The following CHRNA7 variants were observed in gnomAD, a reference collection of about 807,000 sequenced individuals.
CHRNA7 encodes the protein cholinergic receptor nicotinic alpha 7 subunit, also known as neuronal acetylcholine receptor subunit alpha-7.
Under a neutral mutation model 48.0 loss-of-function variants are expected in CHRNA7, and 17 were observed. That is an observed-to-expected ratio of 0.35 (90% confidence interval 0.24 to 0.53). The LOEUF (loss-of-function observed/expected upper bound fraction) is 0.53, where lower values mean the gene tolerates loss of function less well. Among genes scored for constraint, CHRNA7 ranks in the 20% least tolerant of loss-of-function variants. The probability of loss-of-function intolerance (pLI) is 0.92; values close to 1 mark genes in which losing one functional copy is unlikely to be tolerated. For synonymous variants in CHRNA7, 75 were observed against 242.3 expected (o/e 0.31, Z 6.41); for missense variants, 155 against 577.7 (o/e 0.27, Z 7.50).
intron 2 of CHRNA7, among the ~76,000 whole-genome samples, chr15:32,066,283 TA>T (rs1165844995): frequency 1.5e-5 from 2 of 129,470 alleles, no homozygotes; most frequent in Non-Finnish European, 3.5e-5. Context: ...CACATTATAG[TA>T]TTTTTTTTTT....
intron 4 of CHRNA7, among the ~76,000 whole-genome samples, chr15:32,126,695 A>G (rs539613330): frequency 6.6e-6 from 1 of 152,244 alleles, no homozygotes; most frequent in South Asian, 2.1e-4. Context: ...ATTCATAGAG[A>G]TGATACTTTC....
chr15:32,041,497 G>A (rs1305744889), intron 2 of CHRNA7, among the ~76,000 whole-genome samples: 1 of 152,228 alleles, frequency 6.6e-6, no homozygotes, highest in Non-Finnish European at 1.5e-5. Context: ...CGGAGCTCAG[G>A]CAGTAATGCT....
At chr15:32,063,761 C>G (rs181716866) in intron 2 of CHRNA7, among the ~76,000 whole-genome samples, 2 of 152,318 alleles carry the variant, frequency 1.3e-5, no homozygotes, top group East Asian at 3.9e-4. Context: ...TGAGCCACTT[C>G]ATTAGCATAA....
intron 4 of CHRNA7, among the ~76,000 whole-genome samples, chr15:32,121,610 G>T (rs1330890747): frequency 2.0e-5 from 3 of 152,166 alleles, no homozygotes; most frequent in African/African-American, 7.2e-5. Flanking sequence ...AAGAGAGAGA[G>T]CCTCATCCAG....
At chr15:32,055,572 A>G (rs972045014) in intron 2 of CHRNA7, among the ~76,000 whole-genome samples, 8 of 152,180 alleles carry the variant, frequency 5.3e-5, no homozygotes, top group African/African-American at 1.9e-4. Flanking sequence ...GCATTAGTCC[A>G]TTCAGGAGGG....
intron 4 of CHRNA7, among the ~76,000 whole-genome samples, chr15:32,122,172 G>A (rs757000181): frequency 2.6e-5 from 4 of 152,268 alleles, no homozygotes; most frequent in South Asian, 2.1e-4. Context: ...GCAGCACATC[G>A]CAGTGGGTGA....
chr15:32,138,898 T>C (rs1410586385), intron 4 of CHRNA7, among the ~76,000 whole-genome samples: 1 of 151,962 alleles, frequency 6.6e-6, no homozygotes, highest in African/African-American at 2.4e-5. Flanking sequence ...GGACTACAGG[T>C]GCACGCCACC....
chr15:32,115,416 G>A (rs891315677), intron 4 of CHRNA7, among the ~76,000 whole-genome samples: 1 of 151,896 alleles, frequency 6.6e-6, no homozygotes, highest in African/African-American at 2.4e-5. Context: ...TGTCATCTCT[G>A]CCCCCCCTTG....
At chr15:32,036,154 C>T (rs780128764) in intron 2 of CHRNA7, among the ~76,000 whole-genome samples, 2 of 152,212 alleles carry the variant, frequency 1.3e-5, no homozygotes, top group Non-Finnish European at 2.9e-5. Flanking sequence ...GAACCCTTTC[C>T]ACAATGTCGT....
chr15:32,145,338 A>G (rs1231448408), intron 4 of CHRNA7, among the ~76,000 whole-genome samples: 1 of 152,090 alleles, frequency 6.6e-6, no homozygotes, highest in Non-Finnish European at 1.5e-5. Flanking sequence ...GTTGGCCCCT[A>G]CTGGGAGATG....
chr15:32,136,388 G>A (rs1038635552), intron 4 of CHRNA7, among the ~76,000 whole-genome samples: 5 of 152,008 alleles, frequency 3.3e-5, no homozygotes, highest in Non-Finnish European at 7.4e-5. Flanking sequence ...CTACTTGGGA[G>A]GGTGAGGCAG....
intron 4 of CHRNA7, among the ~76,000 whole-genome samples, chr15:32,144,580 A>G (rs565723857): frequency 5.3e-5 from 8 of 152,212 alleles, no homozygotes; most frequent in African/African-American, 1.9e-4. Context: ...GTCTTGTCAC[A>G]TAGTCCCATA....
At chr15:32,156,110 C>T (rs943961532) in intron 5 of CHRNA7, 1 of 119,608 alleles carries the variant, frequency 8.4e-6, no homozygotes, top group Non-Finnish European at 1.8e-5. Context: ...CACAAAGATC[C>T]CTTTTGCTTG....
chr15:32,119,641 AATATT>A (rs1566853477), intron 4 of CHRNA7, among the ~76,000 whole-genome samples: 1 of 152,160 alleles, frequency 6.6e-6, no homozygotes, highest in African/African-American at 2.4e-5. Context: ...TTTAAAAAAA[AATATT>A]TATTCATATT....
Position 32,145,212 on chromosome 15 carries a change from C to T in CHRNA7, c.351-8695C>T, listed in dbSNP as rs2051462829. ...TGTTGGAGTTTGCTGGAGGTCCACT[C>T]CAGACCCTGTTTGCCTGAGTATCAC... On this transcript the variant is annotated intron_variant, in intron 4 of 9. Transcript: ENST00000306901. Among the ~76,000 whole-genome samples, 3 of 152,154 alleles carry T rather than the reference C, an allele frequency of 2.0e-5. No individual in the cohort carries two copies. In the South Asian group the frequency reaches 6.2e-4, roughly 32 times the overall value.
intron 2 of CHRNA7, among the ~76,000 whole-genome samples, chr15:32,077,468 A>G (rs1389963411): frequency 6.6e-6 from 1 of 152,162 alleles, no homozygotes; most frequent in East Asian, 1.9e-4. Context: ...TGGTGTTGCC[A>G]GTGTTCTGGA....
chr15:32,047,756 A>G (rs1352145920), intron 2 of CHRNA7, among the ~76,000 whole-genome samples: 1 of 152,206 alleles, frequency 6.6e-6, no homozygotes, highest in African/African-American at 2.4e-5. Flanking sequence ...GCCAGTTTTC[A>G]AAGGGAATGC....
chr15:32,030,608 C>T lies in CHRNA7; in HGVS notation c.14C>T (p.Pro5Leu), dbSNP rs1901764191. MRCS[P>L]GGVWLALAAS... ...CCGGGACTCAACATGCGCTGCTCGC[C>T]GGGAGGCGTCTGGCTGGCGCTGGCC... The change falls in exon 1 of 10, where the codon CCG becomes CTG. Residue 5 changes from proline (P) to leucine (L), a missense_variant. Physicochemically the swap from Pro to Leu is moderately conservative, Grantham distance 98 (BLOSUM62 -3). Transcript: ENST00000306901. 4.5e-6 allele frequency: 7 copies of T among 1,559,574 alleles called. No homozygotes were observed. Among genetic ancestry groups the T allele is most frequent in the African/African-American group, 1.4e-5 (1 of 70,988 alleles).
At chr15:32,098,187 T>C (rs1514261) in intron 2 of CHRNA7, among the ~76,000 whole-genome samples, 150,415 of 152,280 alleles carry the variant, frequency 0.99, 74,303 homozygotes, top group Middle Eastern at 1. Context: ...AGAGCTGAAG[T>C]CCTCCCCCAG....
Sources: allele counts gnomAD v4.1 joint callset (sites outside exome capture counted in the v4.1 genomes callset), GRCh38; gene constraint gnomAD v4.1.1; transcripts MANE v1.5; gene names NCBI Gene and HGNC (gene_info 2026-07-23, HGNC 2026-07-21).